The following MAP3K21 variants were observed in gnomAD, a reference collection of about 807,000 sequenced individuals.
MAP3K21 encodes the protein mitogen-activated protein kinase kinase kinase MLK4.
MAP3K21 carries 63 observed loss-of-function variants against 86.1 expected under a neutral mutation model. That is an observed-to-expected ratio of 0.73 (90% CI 0.60 to 0.90). The LOEUF (loss-of-function observed/expected upper bound fraction) is 0.90, where lower values mean the gene tolerates loss of function less well. MAP3K21 is among the 40% of genes least tolerant of loss of function. The pLI is 0.00. For missense variants in MAP3K21, 1,220 were observed against 1,367.7 expected, an observed-to-expected ratio of 0.89 and a Z score of 1.70; for synonymous variants, 558 against 564.8, an observed-to-expected ratio of 0.99 and a Z score of 0.17.
At chr1:233,358,485 T>TTTTC (rs1248271214) in intron 4 of MAP3K21, among the ~76,000 whole-genome samples, 32 of 152,058 alleles carry the variant, frequency 2.1e-4, no homozygotes, top group African/African-American at 7.7e-4. Context: ...TTTTTTTTTT[T>TTTTC]TTAACACTTC....
At chr1:233,357,433 A>G (rs548176760) in intron 4 of MAP3K21, among the ~76,000 whole-genome samples, 22 of 152,194 alleles carry the variant, frequency 1.4e-4, no homozygotes, top group African/African-American at 5.1e-4. Context: ...AAAAATAAAA[A>G]TAAAAAAATA....
At chr1:233,350,051 G>A (rs1190331114) in intron 2 of MAP3K21, among the ~76,000 whole-genome samples, 1 of 151,824 alleles carries the variant, frequency 6.6e-6, no homozygotes, top group Non-Finnish European at 1.5e-5. Flanking sequence ...TACTAGCTTG[G>A]CATCCCTCTC....
At chr1:233,341,454 G>A (rs1310575116) in intron 1 of MAP3K21, among the ~76,000 whole-genome samples, 1 of 152,172 alleles carries the variant, frequency 6.6e-6, no homozygotes, top group Non-Finnish European at 1.5e-5. Context: ...GTACCCTAAA[G>A]GGTTGACATT....
At chr1:233,337,984 ATATGT>A (rs546466751) in intron 1 of MAP3K21, among the ~76,000 whole-genome samples, 257 of 152,318 alleles carry the variant, frequency 1.7e-3, no homozygotes, top group Non-Finnish European at 3.0e-3. Flanking sequence ...GTTGTATTAA[ATATGT>A]TATGTTCTTG....
At chr1:233,343,220 G>C (rs190039752) in intron 1 of MAP3K21, among the ~76,000 whole-genome samples, 3 of 152,216 alleles carry the variant, frequency 2.0e-5, no homozygotes, top group Non-Finnish European at 2.9e-5. Context: ...AAAGAGGCAG[G>C]ATTTCCTGAA....
chr1:233,346,317 A>G (rs1432571870), intron 1 of MAP3K21, 125 bp from the exon 2 acceptor site: 9 of 719,826 alleles, frequency 1.3e-5, no homozygotes, highest in African/African-American at 1.8e-5. Context: ...TAAAATGGTA[A>G]AATGCAAGTT....
chr1:233,380,875 C>G (rs1372533918), intron 9 of MAP3K21, among the ~76,000 whole-genome samples: 1 of 152,182 alleles, frequency 6.6e-6, no homozygotes, highest in East Asian at 1.9e-4. Flanking sequence ...CAGTGTCTCA[C>G]TCCTCCTCAC....
At chr1:233,357,440 A>C (rs915957817) in intron 4 of MAP3K21, among the ~76,000 whole-genome samples, 9 of 152,180 alleles carry the variant, frequency 5.9e-5, no homozygotes, top group Non-Finnish European at 1.0e-4. Flanking sequence ...AAAATAAAAA[A>C]ATAAAGTAGA....
Position 233,379,389 on chromosome 1 carries a change from C to T in MAP3K21, c.2383C>T (p.Leu795=). 1.2e-6 allele frequency: 2 copies of T among 1,614,270 alleles called. No homozygotes were observed. The part of the protein sequence containing the change: ...GEASSPPSLP[L]SSALGILSTP... ...GGCCAGCAGCCCACCCTCCCTGCCA[C>T]TGTCAAGTGCCCTGGGCATCCTCTC... Residue 795 remains leucine, a synonymous_variant, in exon 9 of 10, where the codon CTG becomes TTG. Transcript: ENST00000366624.
intron 1 of MAP3K21, among the ~76,000 whole-genome samples, chr1:233,345,726 TATAATAATAATA>T (rs72300159): frequency 0.41 from 60,054 of 146,216 alleles, 12,975 homozygotes; most frequent in Admixed American, 0.53. Flanking sequence ...GAACTCAAAG[TATAATAATAATA>T]ATAATAATAA....
chr1:233,368,688 G>A (rs1254522127), intron 5 of MAP3K21, among the ~76,000 whole-genome samples: 1 of 151,562 alleles, frequency 6.6e-6, no homozygotes, highest in Non-Finnish European at 1.5e-5. Context: ...AGCAGATGGA[G>A]GAGCCTCCCA....
intron 4 of MAP3K21, among the ~76,000 whole-genome samples, chr1:233,356,867 G>A (rs1452965545): frequency 1.3e-5 from 2 of 152,162 alleles, no homozygotes; most frequent in Non-Finnish European, 2.9e-5. Context: ...AAACAGTTAA[G>A]TTCCCACGAC....
chr1:233,375,194 G>A (rs918717996), intron 6 of MAP3K21, among the ~76,000 whole-genome samples: 3 of 151,868 alleles, frequency 2.0e-5, no homozygotes, highest in South Asian at 2.1e-4. Context: ...TGCCCGCCTC[G>A]GCCTCCCAAA....
At chr1:233,358,587 T>G (rs1286088402) in intron 4 of MAP3K21, among the ~76,000 whole-genome samples, 1 of 150,184 alleles carries the variant, frequency 6.7e-6, no homozygotes, top group Non-Finnish European at 1.5e-5. Flanking sequence ...GAGAAAGAAA[T>G]AAAGCTTCAA....
At position 233,382,558 on chromosome 1, in the gene MAP3K21, C is replaced by T. The variant is rs776318460; in HGVS notation, c.2958C>T (p.Leu986=). ...CAGGACCACATCCCACCCAATTCCT[C>T]GCTGCCAAGGAGAGAACTAAATCCC... ...GRPGPHPTQF[L]AAKERTKSHV... Residue 986 remains leucine (L), a synonymous_variant, in exon 10 of 10, where the codon CTC becomes CTT. Transcript: ENST00000366624. The T allele has an allele frequency of 1.7e-5, 27 of 1,614,046 alleles. No homozygotes were observed. Among genetic ancestry groups the T allele is most frequent in the Admixed American group, 8.3e-5 (5 of 60,002 alleles).
intron 1 of MAP3K21, among the ~76,000 whole-genome samples, chr1:233,344,479 A>G (rs113150256): frequency 0.014 from 2,112 of 152,268 alleles, 51 homozygotes; most frequent in African/African-American, 0.048. Context: ...GAGAAATGAG[A>G]AAAGGATTCC....
chr1:233,346,324 AGTTTATTCTT>A, intron 1 of MAP3K21, 108 bp from the exon 2 acceptor site: 1 of 755,664 alleles, frequency 1.3e-6, no homozygotes, highest in Admixed American at 2.9e-5. Flanking sequence ...GTAAAATGCA[AGTTTATTCTT>A]GTTTATTCTG....
At chr1:233,331,330 A>T (rs1030382614) in intron 1 of MAP3K21, among the ~76,000 whole-genome samples, 5 of 152,234 alleles carry the variant, frequency 3.3e-5, no homozygotes, top group African/African-American at 9.6e-5. Context: ...GACCATTATC[A>T]TAGTTATTTA....
chr1:233,380,348 C>T (rs1663891323), intron 9 of MAP3K21, among the ~76,000 whole-genome samples: 1 of 152,172 alleles, frequency 6.6e-6, no homozygotes, highest in Admixed American at 6.5e-5. Flanking sequence ...GCATCTGTGT[C>T]CTAATCATCT....
Sources: allele counts gnomAD v4.1 joint callset (sites outside exome capture counted in the v4.1 genomes callset), GRCh38; gene constraint gnomAD v4.1.1; transcripts MANE v1.5; gene names NCBI Gene and HGNC (gene_info 2026-07-23, HGNC 2026-07-21).